The following ADAM22 variants were observed in gnomAD, a reference collection of about 807,000 sequenced individuals.
ADAM22 encodes the protein ADAM metallopeptidase domain 22.
In ADAM22, 65 loss-of-function variants were observed where a neutral mutation model predicts 144.6. That is an observed-to-expected ratio of 0.45 (90% CI 0.37 to 0.55). The LOEUF is 0.55. ADAM22 is among the 20% of genes least tolerant of loss of function. The pLI, the probability that ADAM22 is intolerant of heterozygous loss-of-function variation, is 0.00. For missense variants in ADAM22, 974 were observed against 1,184.9 expected, an observed-to-expected ratio of 0.82 and a Z score of 2.61; for synonymous variants, 391 against 412.6, an observed-to-expected ratio of 0.95 and a Z score of 0.63.
chr7:88,034,987 C>T (rs1377498629), intron 3 of ADAM22, among the ~76,000 whole-genome samples: 1 of 152,154 alleles, frequency 6.6e-6, no homozygotes, highest in Non-Finnish European at 1.5e-5. Flanking sequence ...TTACTGATCT[C>T]TCACCTGATT....
chr7:88,121,492 G>A lies in ADAM22; in HGVS notation c.608-4097G>A, dbSNP rs115642195. Among the ~76,000 whole-genome samples, 290 of 152,256 alleles carry A rather than the reference G, an allele frequency of 1.9e-3. 2 individuals carry two copies. Among genetic ancestry groups the A allele is most frequent in the African/African-American group, 6.8e-3 (282 of 41,556 alleles). ...TCTGAGAATCAGGAACCTGGGTGTGGTTTAGCTGGGTGCCTGTGGCCCACG... is the reference window on the plus strand; with the variant it reads ...TCTGAGAATCAGGAACCTGGGTGTGATTTAGCTGGGTGCCTGTGGCCCACG... On this transcript the variant is annotated intron_variant, in intron 7 of 31. Transcript: ENST00000413139.
At chr7:87,997,169 G>A (rs763532324) in intron 3 of ADAM22, among the ~76,000 whole-genome samples, 7 of 152,110 alleles carry the variant, frequency 4.6e-5, no homozygotes, top group Non-Finnish European at 7.4e-5. Context: ...TTTCAAAGCC[G>A]TATTCATGTT....
At chr7:88,189,206 A>G (rs1849029604) in intron 30 of ADAM22, among the ~76,000 whole-genome samples, 1 of 152,154 alleles carries the variant, frequency 6.6e-6, no homozygotes, top group South Asian at 2.1e-4. Context: ...AGGAAGGAGC[A>G]AGTGAGATCA....
At chr7:87,971,065 CATATAT>C in intron 2 of ADAM22, among the ~76,000 whole-genome samples, 1 of 151,674 alleles carries the variant, frequency 6.6e-6, no homozygotes, top group East Asian at 1.9e-4. Flanking sequence ...AAGTGACAGA[CATATAT>C]ATATATGTTT....
intron 22 of ADAM22, among the ~76,000 whole-genome samples, chr7:88,158,328 G>C (rs750792706): frequency 3.3e-5 from 5 of 152,064 alleles, no homozygotes; most frequent in Non-Finnish European, 7.4e-5. Context: ...TTCACTGATA[G>C]TATTAGATAG....
At chr7:88,144,887 A>G (rs1361037693) in intron 15 of ADAM22, among the ~76,000 whole-genome samples, 1 of 152,058 alleles carries the variant, frequency 6.6e-6, no homozygotes, top group Non-Finnish European at 1.5e-5. Context: ...TATGTTATAT[A>G]TATAAATATA....
intron 4 of ADAM22, chr7:88,089,979 C>T (rs1819439374): frequency 6.6e-6 from 1 of 152,084 alleles, no homozygotes; most frequent in Admixed American, 6.6e-5. Flanking sequence ...AAAAGAACAG[C>T]TATATTGAGG....
At chr7:88,194,472 TG>T (rs1850268643) in intron 31 of ADAM22, among the ~76,000 whole-genome samples, 1 of 152,150 alleles carries the variant, frequency 6.6e-6, no homozygotes, top group Non-Finnish European at 1.5e-5. Flanking sequence ...CCCCTGTCTC[TG>T]GGCTGTCTCT....
intron 22 of ADAM22, among the ~76,000 whole-genome samples, chr7:88,161,348 A>T (rs1358192571): frequency 6.6e-6 from 1 of 152,086 alleles, no homozygotes; most frequent in East Asian, 1.9e-4. Context: ...TAAATATAAA[A>T]CTCAAAAGTA....
intron 3 of ADAM22, among the ~76,000 whole-genome samples, chr7:88,025,001 G>T (rs865940025): frequency 6.6e-6 from 1 of 152,008 alleles, no homozygotes; most frequent in Non-Finnish European, 1.5e-5. Flanking sequence ...GAATAGTGCC[G>T]CAATAAACAT....
intron 3 of ADAM22, among the ~76,000 whole-genome samples, chr7:88,004,088 G>A (rs1485133528): frequency 6.6e-6 from 1 of 152,212 alleles, no homozygotes; most frequent in African/African-American, 2.4e-5. Flanking sequence ...TTGGGGATTT[G>A]AAGTCCTGGG....
At chr7:87,963,812 G>C (rs1848496931) in intron 2 of ADAM22, among the ~76,000 whole-genome samples, 1 of 152,050 alleles carries the variant, frequency 6.6e-6, no homozygotes, top group South Asian at 2.1e-4. Flanking sequence ...CATCTTTTAT[G>C]TTTCTGATAC....
At chr7:88,021,299 A>G (rs1223902863) in intron 3 of ADAM22, among the ~76,000 whole-genome samples, 1 of 152,226 alleles carries the variant, frequency 6.6e-6, no homozygotes, top group Non-Finnish European at 1.5e-5. Flanking sequence ...AGAGCCTTCC[A>G]GAGACCTTAA....
intron 3 of ADAM22, among the ~76,000 whole-genome samples, chr7:87,996,213 G>C (rs978704813): frequency 2.6e-5 from 4 of 152,214 alleles, no homozygotes; most frequent in Non-Finnish European, 1.5e-5. Context: ...GATTGTGCTG[G>C]TTGGCTGGTT....
chr7:88,008,911 TAAA>T (rs199900768), intron 3 of ADAM22, among the ~76,000 whole-genome samples: 5,127 of 80,206 alleles, frequency 0.064, 304 homozygotes, highest in African/African-American at 0.18. Flanking sequence ...ATAATAATAA[TAAA>T]AAGAAAAAAA....
intron 25 of ADAM22, chr7:88,168,506 G>T: frequency 2.3e-6 from 1 of 444,014 alleles, no homozygotes; most frequent in Non-Finnish European, 4.4e-6. Context: ...GTAAAAACTG[G>T]TAAGTTGTAA....
At chr7:88,007,326 A>C (rs2129458521) in intron 3 of ADAM22, among the ~76,000 whole-genome samples, 1 of 152,290 alleles carries the variant, frequency 6.6e-6, no homozygotes, top group East Asian at 1.9e-4. Flanking sequence ...ATACTGCCCC[A>C]GGTAATTTAT....
chr7:88,093,731 G>T (rs1352867633), intron 4 of ADAM22, among the ~76,000 whole-genome samples: 1 of 152,090 alleles, frequency 6.6e-6, no homozygotes, highest in African/African-American at 2.4e-5. Flanking sequence ...ATTTTTAGTG[G>T]AGATGGGGTT....
intron 14 of ADAM22, 39 bp from the exon 15 acceptor site, chr7:88,142,987 T>G: frequency 7.8e-7 from 1 of 1,276,618 alleles, no homozygotes; most frequent in Non-Finnish European, 1.1e-6. Flanking sequence ...ATGAGAAAGA[T>G]GAGTTGAACC....
Sources: gnomAD v4.1 joint callset for allele counts (sites outside exome capture counted in the v4.1 genomes callset) on GRCh38, gnomAD v4.1.1 for gene constraint, MANE v1.5 for transcripts, NCBI Gene and HGNC (gene_info 2026-07-23, HGNC 2026-07-21) for gene names.